The following TESK2 variants were observed in gnomAD, a reference collection of about 807,000 sequenced individuals.
TESK2 encodes the protein testis associated actin remodelling kinase 2.
Under a neutral mutation model 57.1 loss-of-function variants are expected in TESK2, and 39 were observed. That is an observed-to-expected ratio of 0.68 (90% CI 0.53 to 0.89). The LOEUF is 0.89. Ranked by LOEUF, TESK2 falls within the 40% of genes least tolerant of loss-of-function variation. TESK2 has a pLI of 0.00. For synonymous variants in TESK2, 249 were observed against 267.9 expected (o/e 0.93, Z 0.69); for missense variants, 646 against 732.1 (o/e 0.88, Z 1.36).
intron 2 of TESK2, among the ~76,000 whole-genome samples, chr1:45,446,958 C>G (rs2149295939): frequency 6.6e-6 from 1 of 152,302 alleles, no homozygotes; most frequent in East Asian, 1.9e-4. Flanking sequence ...TTGTTCACAC[C>G]TATAATCCCA....
intron 1 of TESK2, among the ~76,000 whole-genome samples, chr1:45,480,987 C>CA (rs1653194186): frequency 6.7e-6 from 1 of 149,564 alleles, no homozygotes; most frequent in Admixed American, 6.7e-5. Context: ...GATTCTGTCT[C>CA]AAAAAAATAA....
At chr1:45,400,051 A>T (rs1001568324) in intron 3 of TESK2, among the ~76,000 whole-genome samples, 2 of 152,196 alleles carry the variant, frequency 1.3e-5, no homozygotes, top group Admixed American at 1.3e-4. Context: ...GTGTCGCATT[A>T]TATGGCAAGG....
intron 4 of TESK2, among the ~76,000 whole-genome samples, chr1:45,375,383 C>T (rs944455097): frequency 1.3e-5 from 2 of 151,524 alleles, no homozygotes; most frequent in African/African-American, 4.9e-5. Flanking sequence ...ATTCCAACTA[C>T]CTAGAACACT....
chr1:45,489,758 CCAGCCTGGGTGA>C (rs1337304029), intron 1 of TESK2, among the ~76,000 whole-genome samples: 12 of 152,168 alleles, frequency 7.9e-5, no homozygotes, highest in Admixed American at 3.3e-4. Context: ...CCACTGCACT[CCAGCCTGGGTGA>C]CAGAATGAGA....
chr1:45,455,418 C>G (rs1480925190), intron 2 of TESK2, among the ~76,000 whole-genome samples: 2 of 152,200 alleles, frequency 1.3e-5, no homozygotes, highest in Admixed American at 6.5e-5. Context: ...CTTCGGCCCA[C>G]TTCAAAACCC....
intron 9 of TESK2, among the ~76,000 whole-genome samples, chr1:45,346,465 A>C (rs1047990164): frequency 6.6e-6 from 1 of 152,202 alleles, no homozygotes; most frequent in Non-Finnish European, 1.5e-5. Flanking sequence ...TGATGGGTCT[A>C]CCCTACAGGT....
At chr1:45,482,426 A>G (rs1207698507) in intron 1 of TESK2, among the ~76,000 whole-genome samples, 1 of 151,610 alleles carries the variant, frequency 6.6e-6, no homozygotes, top group Non-Finnish European at 1.5e-5. Flanking sequence ...TACTCAGGAG[A>G]CTGAGATGGG....
At chr1:45,345,600 C>G in intron 10 of TESK2, 42 bp from the exon 11 acceptor site, 1 of 1,518,176 alleles carries the variant, frequency 6.6e-7, no homozygotes, top group Non-Finnish European at 9.0e-7. Flanking sequence ...CTAGTCATAA[C>G]AAATACAAGC....
chr1:45,473,760 C>G (rs1361278335), intron 1 of TESK2, among the ~76,000 whole-genome samples: 2 of 151,742 alleles, frequency 1.3e-5, no homozygotes, highest in Non-Finnish European at 2.9e-5. Flanking sequence ...TGGCTAGATC[C>G]TGATTTGAAC....
intron 1 of TESK2, among the ~76,000 whole-genome samples, chr1:45,465,606 C>A (rs1266335820): frequency 6.6e-6 from 1 of 152,110 alleles, no homozygotes; most frequent in Non-Finnish European, 1.5e-5. Context: ...TACAATAGCA[C>A]AATAGACTAA....
intron 1 of TESK2, among the ~76,000 whole-genome samples, chr1:45,464,124 G>T (rs972175395): frequency 2.0e-5 from 3 of 152,130 alleles, no homozygotes; most frequent in Non-Finnish European, 4.4e-5. Context: ...GTTTTAGGTA[G>T]TATGGACATT....
At chr1:45,467,639 T>G (rs576050468) in intron 1 of TESK2, among the ~76,000 whole-genome samples, 314 of 34,776 alleles carry the variant, frequency 9.0e-3, no homozygotes, top group Non-Finnish European at 0.011. Flanking sequence ...CTTCACAGTT[T>G]TTTTTTTTTT....
intron 3 of TESK2, 36 bp from the exon 4 acceptor site, chr1:45,385,996 AG>A: frequency 2.6e-6 from 4 of 1,512,994 alleles, no homozygotes; most frequent in Non-Finnish European, 3.7e-6. Context: ...ACAAGTGAAA[AG>A]GACACAAATA....
At chr1:45,398,991 A>AG (rs1156884347) in intron 3 of TESK2, 2 of 432,636 alleles carry the variant, frequency 4.6e-6, no homozygotes, top group Non-Finnish European at 9.0e-6. Context: ...CTGAAAAAAA[A>AG]AAAAAAAAAA....
rs1465036329 is a variant in TESK2, at chr1:45,457,670, C to T, written c.116G>A (p.Trp39Ter). 2 of 1,614,084 alleles carry T rather than the reference C, an allele frequency of 1.2e-6. No homozygotes were observed. The highest frequency in any genetic ancestry group is 3.3e-5 in the Admixed American group (2 of 60,008). Residue 39 changes from tryptophan to a stop codon, truncating the protein, a stop_gained, in exon 2 of 11, where the codon TGG becomes TAG. Transcript: ENST00000372086. LOFTEE classifies it high-confidence loss of function. ...TATAAGAGCTCGATACGAAGATGGCCAAACTCTTCCCACCTGGCTCACATT... is the reference window on the plus strand; with the variant it reads ...TATAAGAGCTCGATACGAAGATGGCTAAACTCTTCCCACCTGGCTCACATT... ...EGNVSQVGRV[W>*]PSSYRALISA...
rs1413548930 is a variant in TESK2 at position 45,344,469 on chromosome 1, C to T, written c.*371G>A. The T allele has an allele frequency of 4.5e-6, 1 of 219,824 alleles. No homozygotes were observed. Among genetic ancestry groups the T allele is most frequent in the African/African-American group, 2.3e-5 (1 of 43,278 alleles). The allele number at this position is 219,824 out of a possible 1,614,324, so 13.6% of individuals were successfully genotyped here. A position where few individuals can be genotyped will look rare whatever the true frequency, so the allele number is the denominator to read the frequency against. On this transcript the variant is annotated 3_prime_UTR_variant, in exon 11 of 11. Coordinates refer to ENST00000372086, the MANE Select transcript of TESK2 (RefSeq NM_007170.3). Reference sequence around the variant, plus strand: ...GTTCCACTCAGTAGCTTATATGCCCCAAGAAAAGGCAAGAGACAGACCTGG... The same window carrying T: ...GTTCCACTCAGTAGCTTATATGCCCTAAGAAAAGGCAAGAGACAGACCTGG...
intron 4 of TESK2, among the ~76,000 whole-genome samples, chr1:45,362,391 C>T (rs569511518): frequency 6.6e-6 from 1 of 152,200 alleles, no homozygotes; most frequent in South Asian, 2.1e-4. Flanking sequence ...GTACCTCTCT[C>T]TGAGGTAAAT....
chr1:45,349,497 C>T (rs953884668), intron 5 of TESK2, among the ~76,000 whole-genome samples: 10 of 152,306 alleles, frequency 6.6e-5, no homozygotes, highest in Admixed American at 2.6e-4. Context: ...GCAGTGGCAG[C>T]TCAGATATGT....
chr1:45,443,922 T>C (rs558432259), intron 2 of TESK2, among the ~76,000 whole-genome samples: 20 of 152,288 alleles, frequency 1.3e-4, no homozygotes, highest in African/African-American at 3.1e-4. Flanking sequence ...CTCATGCCCG[T>C]AATCTCAATG....
Sources: allele counts gnomAD v4.1 joint callset (sites outside exome capture counted in the v4.1 genomes callset), GRCh38; gene constraint gnomAD v4.1.1; transcripts MANE v1.5; gene names NCBI Gene and HGNC (gene_info 2026-07-23, HGNC 2026-07-21).